Variants in DLG2 observed in about 807,000 individuals in gnomAD.
DLG2 encodes the protein discs large MAGUK scaffold protein 2, also known as disks large homolog 2.
A neutral mutation model predicts 132.5 loss-of-function variants in DLG2; 45 were observed. That is an observed-to-expected ratio of 0.34 (90% CI 0.27 to 0.44). The LOEUF (loss-of-function observed/expected upper bound fraction) is 0.44. DLG2 is among the 20% of genes least tolerant of loss of function. DLG2 has a pLI of 1.00. For synonymous variants in DLG2, 424 were observed against 419.6 expected, an observed-to-expected ratio of 1.01 and a Z score of -0.13; for missense variants, 1,045 against 1,196.9, an observed-to-expected ratio of 0.87 and a Z score of 1.87.
chr11:84,403,250 A>C (rs1370974953), intron 7 of DLG2, among the ~76,000 whole-genome samples: 1 of 152,194 alleles, frequency 6.6e-6, no homozygotes, highest in African/African-American at 2.4e-5. Context: ...CATGGCATGT[A>C]GGCAAGATAT....
intron 3 of DLG2, among the ~76,000 whole-genome samples, chr11:85,406,241 C>A (rs1204342858): frequency 1.4e-5 from 2 of 148,018 alleles, no homozygotes; most frequent in African/African-American, 2.5e-5. Context: ...TGCAATTTAA[C>A]AAATTCTCTC....
chr11:84,076,132 A>G (rs1291843302), intron 10 of DLG2, among the ~76,000 whole-genome samples: 1 of 152,210 alleles, frequency 6.6e-6, no homozygotes, highest in Non-Finnish European at 1.5e-5. Context: ...AGTCATTCAT[A>G]TTTGATTTAT....
chr11:83,735,803 A>C (rs1352473456), intron 18 of DLG2, among the ~76,000 whole-genome samples: 1 of 152,240 alleles, frequency 6.6e-6, no homozygotes, highest in Non-Finnish European at 1.5e-5. Context: ...AGTGAACTAC[A>C]GTCTGAAAAG....
chr11:85,057,705 G>A (rs1394590734), intron 6 of DLG2, among the ~76,000 whole-genome samples: 1 of 151,224 alleles, frequency 6.6e-6, no homozygotes, highest in Non-Finnish European at 1.5e-5. Flanking sequence ...TATAGGAAAG[G>A]AAAATTACAG....
At chr11:85,024,265 A>C (rs1200580402) in intron 6 of DLG2, among the ~76,000 whole-genome samples, 1 of 152,180 alleles carries the variant, frequency 6.6e-6, no homozygotes, top group Non-Finnish European at 1.5e-5. Context: ...CAAGCAACCC[A>C]AGAACCAGGA....
At position 84,265,610 on chromosome 11, in the gene DLG2, T is replaced by C. The variant is rs1239639222; in HGVS notation, c.520-14319A>G. On this transcript the variant is annotated intron_variant, in intron 7 of 27. Transcript: ENST00000376104. Reference sequence around the variant, plus strand: ...TGAAGATGATAAAACTCGTCTTGCCTAATTGTGAAAGTTGTAACGAGAAGT... The same window carrying C: ...TGAAGATGATAAAACTCGTCTTGCCCAATTGTGAAAGTTGTAACGAGAAGT... Among the ~76,000 whole-genome samples, 5 of 152,314 alleles carry C rather than the reference T, an allele frequency of 3.3e-5. No individual in the cohort carries two copies. In the South Asian group the frequency reaches 8.3e-4, roughly 25 times the overall value.
At chr11:84,431,381 C>A (rs2098984239) in intron 7 of DLG2, among the ~76,000 whole-genome samples, 1 of 152,110 alleles carries the variant, frequency 6.6e-6, no homozygotes, top group African/African-American at 2.4e-5. Context: ...TCTTTATATT[C>A]ACAGTTCTCA....
intron 6 of DLG2, among the ~76,000 whole-genome samples, chr11:84,874,288 T>A (rs1012854562): frequency 6.6e-6 from 1 of 152,096 alleles, no homozygotes; most frequent in Non-Finnish European, 1.5e-5. Context: ...AAGCTGACAA[T>A]AGAATAAAAG....
intron 3 of DLG2, among the ~76,000 whole-genome samples, chr11:85,436,398 G>C (rs1305376248): frequency 6.6e-6 from 1 of 152,046 alleles, no homozygotes; most frequent in Non-Finnish European, 1.5e-5. Flanking sequence ...GAAAATTTTT[G>C]CAATCTACCC....
chr11:85,185,211 A>G (rs1402784370), intron 4 of DLG2, among the ~76,000 whole-genome samples: 3 of 151,964 alleles, frequency 2.0e-5, no homozygotes, highest in African/African-American at 7.2e-5. Context: ...TCAAAATAGC[A>G]TCCTCAATCA....
At chr11:85,320,500 C>T (rs959299179) in intron 3 of DLG2, among the ~76,000 whole-genome samples, 1 of 151,610 alleles carries the variant, frequency 6.6e-6, no homozygotes, top group African/African-American at 2.4e-5. Flanking sequence ...GATGGTATTC[C>T]TAGTCTAATA....
intron 18 of DLG2, among the ~76,000 whole-genome samples, chr11:83,682,657 T>G (rs1253673909): frequency 6.6e-6 from 1 of 152,160 alleles, no homozygotes; most frequent in African/African-American, 2.4e-5. Context: ...GTTAAAGCTC[T>G]TAATAGTAAG....
rs1188295358 is a variant in DLG2, at chr11:83,593,312, C to T, written c.1940+39899G>A. Among the ~76,000 whole-genome samples the T allele has an allele frequency of 1.4e-4, 21 of 149,476 alleles. 1 individual carries two copies. Among genetic ancestry groups the T allele is most frequent in the African/African-American group, 5.2e-4 (21 of 40,440 alleles). ...ATATACACCATGGAATACTATGCAGCCATAAAAAATGATTAGTTCATGTCC... is the reference window on the plus strand; with the variant it reads ...ATATACACCATGGAATACTATGCAGTCATAAAAAATGATTAGTTCATGTCC... On this transcript the variant is annotated intron_variant, in intron 19 of 27. Transcript: ENST00000376104.
At chr11:84,036,364 T>C (rs2095863071) in intron 11 of DLG2, among the ~76,000 whole-genome samples, 1 of 152,082 alleles carries the variant, frequency 6.6e-6, no homozygotes, top group African/African-American at 2.4e-5. Flanking sequence ...GAAATGTTGT[T>C]GCTAGGGCTT....
At chr11:84,493,900 G>T (rs2099172522) in intron 7 of DLG2, among the ~76,000 whole-genome samples, 1 of 152,128 alleles carries the variant, frequency 6.6e-6, no homozygotes, top group Admixed American at 6.6e-5. Context: ...TTTTTGCTGA[G>T]GTAAGTATCT....
chr11:84,809,777 A>T (rs1358212099), intron 6 of DLG2, among the ~76,000 whole-genome samples: 1 of 152,028 alleles, frequency 6.6e-6, no homozygotes, highest in African/African-American at 2.4e-5. Context: ...ATGAAAATAC[A>T]AAAGAACTAG....
intron 6 of DLG2, among the ~76,000 whole-genome samples, chr11:84,589,041 C>T (rs1424217189): frequency 1.3e-5 from 2 of 152,072 alleles, no homozygotes; most frequent in Admixed American, 1.3e-4. Flanking sequence ...AGACTAACTC[C>T]AGGTAAGTGG....
Position 83,593,125 on chromosome 11 carries a change from C to CG in DLG2, c.1940+40085_1940+40086insC, listed in dbSNP as rs1366397376. ...TCTAGAACTAGAAATACCATTTGAC[C>CG]CAGCCATCCCATTACTGGGTATATA... On this transcript the variant is annotated intron_variant, in intron 19 of 27. Transcript: ENST00000376104. Among the ~76,000 whole-genome samples the CG allele has an allele frequency of 9.6e-5, 12 of 124,540 alleles. No individual in the cohort carries two copies. In the East Asian group the frequency reaches 2.5e-3, roughly 26 times the overall value. 81.7% of individuals were successfully genotyped at this position (124,540 alleles called of 152,430 possible).
chr11:84,194,597 T>C (rs1466126810), intron 8 of DLG2, among the ~76,000 whole-genome samples: 4 of 152,176 alleles, frequency 2.6e-5, no homozygotes, highest in Admixed American at 6.5e-5. Context: ...GATTGGTCCA[T>C]TTTGACAGGG....
Sources: allele counts gnomAD v4.1 joint callset (sites outside exome capture counted in the v4.1 genomes callset), GRCh38; gene constraint gnomAD v4.1.1; transcripts MANE v1.5; gene names NCBI Gene and HGNC (gene_info 2026-07-23, HGNC 2026-07-21).